Variants in SBNO2 observed in about 807,000 individuals in gnomAD.
The protein encoded by SBNO2 is protein strawberry notch homolog 2.
SBNO2 carries 89 observed loss-of-function variants against 146.3 expected under a neutral mutation model. The observed-to-expected ratio is 0.61, with a 90% CI of 0.51 to 0.73. SBNO2 has a LOEUF of 0.73. SBNO2 is among the 30% of genes least tolerant of loss of function. The pLI is 0.00. For missense variants in SBNO2, 2,092 were observed against 2,003.7 expected (o/e 1.04, Z -0.84); for synonymous variants, 1,147 against 892.6 (o/e 1.29, Z -5.08).
intron 1 of SBNO2, among the ~76,000 whole-genome samples, chr19:1,172,446 G>C (rs1033890238): frequency 1.3e-5 from 2 of 152,182 alleles, no homozygotes; most frequent in African/African-American, 4.8e-5. Flanking sequence ...GAAGGCCAGA[G>C]GATGTCTGGG....
Position 1,119,131 on chromosome 19 carries a change from G to A in SBNO2, c.1407C>T (p.Asp469=). The A allele has an allele frequency of 6.2e-7, 1 of 1,604,164 alleles. No homozygotes were observed. The highest frequency in any genetic ancestry group is 1.1e-5 in the South Asian group (1 of 89,716). The stretch of plus-strand genomic sequence containing the variant: ...CGATGTACATGCCGCTGACCTTCAT[G>A]TCCATGGCCACGATCTCCATGGCGC... ...GVGAMEIVAM[D]MKVSGMYIAR... Residue 469 remains aspartate, a synonymous_variant, in exon 14 of 32, where the codon GAC becomes GAT. Coordinates refer to ENST00000361757, the MANE Select transcript of SBNO2 (RefSeq NM_014963.3).
At position 1,108,464 on chromosome 19, in the gene SBNO2, G is replaced by T; in HGVS notation, c.3857C>A (p.Pro1286His). The change falls in exon 32 of 32, where the codon CCC becomes CAC. Residue 1286 changes from proline to histidine, a missense_variant. Physicochemically the swap from Pro to His is moderately conservative, Grantham distance 77. Coordinates refer to ENST00000361757, the MANE Select transcript of SBNO2 (RefSeq NM_014963.3). ...GGGGGTGCCCAGCGGCACGACGCCG[G>T]GGCCGGCGTCCAGGGACAGCGGCGC... ...FPAPLSLDAG[P>H]GVVPLGTPDA... 2.4e-6 allele frequency: 3 copies of T among 1,228,522 alleles called. No individual in the cohort carries two copies. The highest frequency in any genetic ancestry group is 3.1e-6 in the Non-Finnish European group (3 of 981,166). The allele number at this position is 1,228,522 out of a possible 1,614,324, so 76.1% of individuals were successfully genotyped here.
Position 1,113,699 on chromosome 19 carries a change from G to A in SBNO2, c.2083C>T (p.Leu695=), listed in dbSNP as rs1055241166. 2.6e-6 allele frequency: 4 copies of A among 1,551,940 alleles called. No homozygotes were observed. Among genetic ancestry groups the A allele is most frequent in the African/African-American group, 1.4e-5 (1 of 70,686 alleles). ...VGLPSDDRGP[L]CLLQRDPHGP... Reference sequence around the variant, plus strand: ...TGCGGGTCTCTCTGCAGGAGGCACAGGGGTCCTAGGGAGGAGGTGGAGGGT... The same window carrying A: ...TGCGGGTCTCTCTGCAGGAGGCACAAGGGTCCTAGGGAGGAGGTGGAGGGT... The change falls in exon 19 of 32, where the codon CTG becomes TTG. Residue 695 remains leucine, a synonymous_variant. Coordinates refer to ENST00000361757, the MANE Select transcript of SBNO2 (RefSeq NM_014963.3).
chr19:1,165,259 C>T (rs1009645089), intron 1 of SBNO2, among the ~76,000 whole-genome samples: 2 of 152,130 alleles, frequency 1.3e-5, no homozygotes, highest in African/African-American at 4.8e-5. Flanking sequence ...ATGGTCAGCA[C>T]GGTGCCGAAT....
At chr19:1,122,040 T>A in intron 11 of SBNO2, 99 bp downstream of exon 11, 3 of 541,086 alleles carry the variant, frequency 5.5e-6, no homozygotes, top group Non-Finnish European at 7.4e-6. Context: ...TGCCCTCCTC[T>A]CCCCTGACTC....
At chr19:1,116,359 A>C (rs1231046797) in intron 16 of SBNO2, among the ~76,000 whole-genome samples, 1 of 142,826 alleles carries the variant, frequency 7.0e-6, no homozygotes, top group Non-Finnish European at 1.5e-5. Context: ...GGATATGATG[A>C]TGGCTCCCAG....
chr19:1,154,867 G>A (rs1261713310), intron 1 of SBNO2, among the ~76,000 whole-genome samples: 4 of 152,230 alleles, frequency 2.6e-5, no homozygotes, highest in African/African-American at 9.6e-5. Context: ...GGGCTCCACA[G>A]TGAGGTCTCC....
intron 1 of SBNO2, among the ~76,000 whole-genome samples, chr19:1,164,956 G>A (rs1159988936): frequency 6.6e-6 from 1 of 151,318 alleles, no homozygotes; most frequent in African/African-American, 2.4e-5. Context: ...AGGAGGAACA[G>A]GAGGAGGAGG....
intron 5 of SBNO2, among the ~76,000 whole-genome samples, chr19:1,127,343 GC>G (rs1038204735): frequency 3.3e-5 from 5 of 151,818 alleles, no homozygotes; most frequent in Admixed American, 2.0e-4. Context: ...CAGCATCCTG[GC>G]CCCCCCCAAC....
At position 1,149,404 on chromosome 19, in the gene SBNO2, C is replaced by A. The variant is rs747093093; in HGVS notation, c.132G>T (p.Ser44=). Residue 44 remains serine (S), a synonymous_variant, in exon 3 of 32, where the codon TCG becomes TCT. Coordinates refer to ENST00000361757, the MANE Select transcript of SBNO2 (RefSeq NM_014963.3). ...MLHCPYWNTF[S]LPPYPAFSSD... is the part of the protein sequence containing the mutation. ...TGGAGAAGGCAGGGTATGGCGGCAG[C>A]GAGAAGGTGTTCCAGTAGGGGCAGT... 2 of 1,552,132 alleles carry A rather than the reference C, an allele frequency of 1.3e-6. No individual in the cohort carries two copies. The highest frequency in any genetic ancestry group is 2.4e-5 in the East Asian group (1 of 41,128).
intron 4 of SBNO2, among the ~76,000 whole-genome samples, chr19:1,131,227 G>C (rs72975591): frequency 1.3e-5 from 2 of 152,092 alleles, no homozygotes; most frequent in African/African-American, 4.8e-5. Context: ...TCAGCTCAGC[G>C]GACCCAGTGC....
chr19:1,125,381 T>G lies in SBNO2; in HGVS notation c.442-1359A>C, dbSNP rs866662781. On this transcript the variant is annotated intron_variant, in intron 5 of 31. Coordinates refer to ENST00000361757, the MANE Select transcript of SBNO2 (RefSeq NM_014963.3). ...CTCAAAAAAAAAAAAAAAAAAAAAG[T>G]GAGCGTGGGCCGGGCATGGTGGCTC... is the stretch of plus-strand genomic sequence containing the variant. 1.2e-3 allele frequency among the ~76,000 whole-genome samples: 145 copies of G among 121,998 alleles called. 1 individual carries two copies. Among genetic ancestry groups the G allele is most frequent in the African/African-American group, 4.5e-3 (133 of 29,560 alleles). The allele number at this position is 121,998 out of a possible 152,430, so 80.0% of individuals were successfully genotyped here.
At chr19:1,164,413 G>A (rs867539856) in intron 1 of SBNO2, among the ~76,000 whole-genome samples, 3 of 99,338 alleles carry the variant, frequency 3.0e-5, no homozygotes, top group Admixed American at 1.2e-4. Context: ...AGGAGGAGGA[G>A]GAGGAACAGG....
intron 24 of SBNO2, 68 bp from the exon 25 acceptor site, chr19:1,111,161 T>C (rs1056347614): frequency 1.3e-6 from 2 of 1,482,518 alleles, no homozygotes; most frequent in African/African-American, 1.4e-5. Flanking sequence ...CCCTAGCTCC[T>C]TTTCCAGAGA....
Position 1,108,384 on chromosome 19 carries a change from TG to T in SBNO2, c.3936del (p.Phe1312LeufsTer41). 1 of 1,285,472 alleles carries T rather than the reference TG, an allele frequency of 7.8e-7. No individual in the cohort carries two copies. The highest frequency in any genetic ancestry group is 9.9e-7 in the Non-Finnish European group (1 of 1,010,236). 79.6% of individuals were successfully genotyped at this position (1,285,472 alleles called of 1,614,324 possible). Reference protein sequence around the residue: ...ALAHQGCDINFKEVLEDMLRS... With the variant: ...ALAHQGCDINXKEVLEDMLRS... ...CGCAGCATGTCCTCCAGCACCTCCT[TG>T]AAGTTGATGTCGCAGCCCTGGTGCG... On this transcript the variant is annotated frameshift_variant, in exon 32 of 32. Transcript: ENST00000361757. LOFTEE classifies it low-confidence loss of function (END_TRUNC).
At chr19:1,154,518 T>C (rs75953628) in intron 1 of SBNO2, 116 bp from the exon 2 acceptor site, 23,226 of 371,124 alleles carry the variant, frequency 0.063, 1,319 homozygotes, top group East Asian at 0.25. Context: ...TCCTGCTACC[T>C]CCTGGGCCGG....
chr19:1,125,395 G>T (rs1255444958), intron 5 of SBNO2, among the ~76,000 whole-genome samples: 5 of 150,338 alleles, frequency 3.3e-5, no homozygotes, highest in Non-Finnish European at 7.4e-5. Context: ...CGTGGGCCGG[G>T]CATGGTGGCT....
chr19:1,113,405 C>T, intron 19 of SBNO2, 130 bp downstream of exon 19: 1 of 863,152 alleles, frequency 1.2e-6, no homozygotes, highest in Non-Finnish European at 1.7e-6. Flanking sequence ...CCCCAAACGC[C>T]CCCTCCTCGC....
In SBNO2 at chr19:1,173,720, A is replaced by G. The variant is rs1219007372; in HGVS notation, c.-127+452T>C. The G allele has an allele frequency of 6.6e-6, 1 of 152,336 alleles. No homozygotes were observed. Among genetic ancestry groups the G allele is most frequent in the African/African-American group, 2.4e-5 (1 of 41,394 alleles). The allele number at this position is 152,336 out of a possible 1,614,324, so 9.4% of individuals were successfully genotyped here. On this transcript the variant is annotated intron_variant, in intron 1 of 31. Coordinates refer to ENST00000361757, the MANE Select transcript of SBNO2 (RefSeq NM_014963.3). This position sits in a 1 kb window ranked among gnomAD's most constrained non-coding sequence, Gnocchi z 4.7. ...AGAGTCCCCAAAAGGGAAGGCCAGG[A>G]TACCGAGGAAAAGCGGGTGCGGGGT... is the stretch of plus-strand genomic sequence containing the variant.
Sources: allele counts gnomAD v4.1 joint callset (sites outside exome capture counted in the v4.1 genomes callset), GRCh38; gene constraint gnomAD v4.1.1; non-coding constraint Gnocchi (gnomAD v3.1); transcripts MANE v1.5; gene names NCBI Gene and HGNC (gene_info 2026-07-23, HGNC 2026-07-21).